Variants in ZBBX observed in about 807,000 individuals in gnomAD.
ZBBX encodes the protein zinc finger B-box domain containing, also known as zinc finger B-box domain-containing protein 1.
Under a neutral mutation model 108.5 loss-of-function variants are expected in ZBBX, and 101 were observed. The ratio of observed to expected loss-of-function variants is 0.93; its 90% confidence interval spans 0.79 to 1.10. The LOEUF is 1.10. ZBBX is among the 50% of genes least tolerant of loss of function. The pLI, the probability that ZBBX is intolerant of heterozygous loss-of-function variation, is 0.00. For missense variants in ZBBX, 1,009 were observed against 941.4 expected (o/e 1.07, Z -0.94); for synonymous variants, 356 against 323.4 (o/e 1.10, Z -1.08).
chr3:167,399,749 T>C (rs1184119029), intron 1 of ZBBX, among the ~76,000 whole-genome samples: 1 of 152,176 alleles, frequency 6.6e-6, no homozygotes, highest in Non-Finnish European at 1.5e-5. Flanking sequence ...CACATGCTTG[T>C]TTGTTACAAG....
the ZBBX span, among the ~76,000 whole-genome samples, chr3:167,229,208 C>T: frequency 0.013 from 2,040 of 151,808 alleles, 22 homozygotes; most frequent in South Asian, 0.027. Flanking sequence ...ATTTCTGCTA[C>T]GTAAGTTTTG....
intron 9 of ZBBX, among the ~76,000 whole-genome samples, chr3:167,348,180 A>T (rs1459445905): frequency 6.9e-6 from 1 of 145,010 alleles, no homozygotes; most frequent in African/African-American, 2.5e-5. Context: ...AAAGAGAGAA[A>T]AAGAAGGAAA....
intron 20 of ZBBX, among the ~76,000 whole-genome samples, chr3:167,250,532 CT>C (rs11438021): frequency 6.4e-4 from 93 of 145,422 alleles, no homozygotes; most frequent in Non-Finnish European, 5.9e-4. Flanking sequence ...CCTTATAAAA[CT>C]TTTTTTTTTT....
At chr3:167,376,976 A>C (rs899210172) in intron 2 of ZBBX, among the ~76,000 whole-genome samples, 2 of 152,336 alleles carry the variant, frequency 1.3e-5, no homozygotes, top group South Asian at 4.1e-4. Context: ...GAATACAGAT[A>C]AACTCCTTAC....
At chr3:167,248,094 C>A (rs536372995) in intron 20 of ZBBX, among the ~76,000 whole-genome samples, 1 of 152,294 alleles carries the variant, frequency 6.6e-6, no homozygotes, top group Non-Finnish European at 1.5e-5. Context: ...CCTAGAGGTG[C>A]CATGTATGCC....
intron 1 of ZBBX, among the ~76,000 whole-genome samples, chr3:167,392,059 C>A (rs79432637): frequency 6.6e-6 from 1 of 151,660 alleles, no homozygotes; most frequent in Admixed American, 6.6e-5. Context: ...AATACCCTCA[C>A]CCACCTGAAG....
chr3:167,210,874 C>T, the ZBBX span, among the ~76,000 whole-genome samples: 1 of 152,010 alleles, frequency 6.6e-6, no homozygotes, highest in Non-Finnish European at 1.5e-5. Flanking sequence ...CAAAAGCTGA[C>T]AGATTTCATC....
At chr3:167,193,362 C>A in the ZBBX span, among the ~76,000 whole-genome samples, 1 of 152,182 alleles carries the variant, frequency 6.6e-6, no homozygotes, top group Non-Finnish European at 1.5e-5. Flanking sequence ...TCACCACATT[C>A]TGTTGCTGAA....
chr3:167,290,548 A>T (rs991715541), intron 18 of ZBBX, among the ~76,000 whole-genome samples: 5 of 152,192 alleles, frequency 3.3e-5, no homozygotes, highest in African/African-American at 1.2e-4. Context: ...ACCCCATCTG[A>T]AGGTCATCGA....
chr3:167,183,474 TA>T, the ZBBX span, among the ~76,000 whole-genome samples: 2 of 152,124 alleles, frequency 1.3e-5, no homozygotes. Flanking sequence ...CTAGAGGAAT[TA>T]AAGACACACA....
chr3:167,229,275 C>T, the ZBBX span, among the ~76,000 whole-genome samples: 1 of 151,760 alleles, frequency 6.6e-6, no homozygotes, highest in Non-Finnish European at 1.5e-5. Flanking sequence ...CAAAATTTAA[C>T]TCATTCTTAA....
At chr3:167,401,099 T>C (rs1310577180) in intron 1 of ZBBX, among the ~76,000 whole-genome samples, 2 of 152,202 alleles carry the variant, frequency 1.3e-5, no homozygotes, top group Non-Finnish European at 2.9e-5. Context: ...GACTCAAATA[T>C]TGTATTGTCT....
chr3:167,298,920 A>G (rs1053166497), intron 17 of ZBBX, among the ~76,000 whole-genome samples: 8 of 152,050 alleles, frequency 5.3e-5, no homozygotes, highest in Non-Finnish European at 8.8e-5. Flanking sequence ...CAAAACACTC[A>G]TCATGAAGCA....
intron 20 of ZBBX, among the ~76,000 whole-genome samples, chr3:167,274,228 A>G (rs765996514): frequency 4.6e-5 from 7 of 152,196 alleles, no homozygotes; most frequent in Non-Finnish European, 1.0e-4. Flanking sequence ...CTCTTTCAGG[A>G]TGGCTAGAAA....
chr3:167,308,980 T>C (rs1373054080), intron 16 of ZBBX, among the ~76,000 whole-genome samples: 1 of 152,166 alleles, frequency 6.6e-6, no homozygotes. Context: ...ACCAGTGACA[T>C]GTCAGTTTAC....
downstream of ZBBX, among the ~76,000 whole-genome samples, chr3:167,238,358 C>G (rs998238264): frequency 6.6e-5 from 10 of 151,926 alleles, no homozygotes; most frequent in African/African-American, 2.2e-4. Flanking sequence ...AAAATTATAT[C>G]TTTTGCAACA....
At chr3:167,307,821 G>C (rs1333085561) in intron 16 of ZBBX, among the ~76,000 whole-genome samples, 2 of 152,202 alleles carry the variant, frequency 1.3e-5, no homozygotes, top group East Asian at 3.9e-4. Flanking sequence ...ACTCAAGATA[G>C]ATTAAATACT....
chr3:167,210,841 G>A, the ZBBX span, among the ~76,000 whole-genome samples: 3 of 152,190 alleles, frequency 2.0e-5, no homozygotes, highest in African/African-American at 7.2e-5. Context: ...CAAATATGAA[G>A]GAGAAATACT....
At chr3:167,232,564 G>T in the ZBBX span, among the ~76,000 whole-genome samples, 2 of 151,768 alleles carry the variant, frequency 1.3e-5, no homozygotes, top group Non-Finnish European at 2.9e-5. Context: ...AGAATCATCT[G>T]GCCCTGGATG....
Sources: gnomAD v4.1 joint callset for allele counts (sites outside exome capture counted in the v4.1 genomes callset) on GRCh38, gnomAD v4.1.1 for gene constraint, MANE v1.5 for transcripts, NCBI Gene and HGNC (gene_info 2026-07-23, HGNC 2026-07-21) for gene names.